Variants in MAP3K20 observed in about 807,000 individuals in gnomAD.
MAP3K20 encodes the protein mitogen-activated protein kinase kinase kinase 20.
MAP3K20 carries 40 observed loss-of-function variants against 85.7 expected under a neutral mutation model. That is an observed-to-expected ratio of 0.47 (90% CI 0.36 to 0.61). The LOEUF is 0.61. MAP3K20 is among the 20% of genes least tolerant of loss of function. The probability of loss-of-function intolerance (pLI) is 0.00; values close to 1 mark genes in which losing one functional copy is unlikely to be tolerated. For missense variants in MAP3K20, 817 were observed against 961.7 expected, an observed-to-expected ratio of 0.85 and a Z score of 1.99; for synonymous variants, 325 against 327.7, an observed-to-expected ratio of 0.99 and a Z score of 0.09.
Position 173,166,547 on chromosome 2 carries a change from G to T in MAP3K20, c.160-3258G>T, listed in dbSNP as rs146682221. 1,233 of 152,120 alleles carry T rather than the reference G, an allele frequency of 8.1e-3. 15 individuals carry two copies. Among genetic ancestry groups the T allele is most frequent in the African/African-American group, 0.028 (1,151 of 41,504 alleles). The allele number at this position is 152,120 out of a possible 1,614,324, so 9.4% of individuals were successfully genotyped here. On this transcript the variant is annotated intron_variant, in intron 2 of 19. Coordinates refer to ENST00000375213, the MANE Select transcript of MAP3K20 (RefSeq NM_016653.3). ...TAAATATACATAAACATAAAACTAA[G>T]AATTAACTCCTTATAACTCTCATAT...
At chr2:173,178,765 T>A (rs1690241070) in intron 3 of MAP3K20, among the ~76,000 whole-genome samples, 1 of 152,234 alleles carries the variant, frequency 6.6e-6, no homozygotes, top group Admixed American at 6.5e-5. Flanking sequence ...ATTCTTCCCA[T>A]ACTCTTTCAG....
At chr2:173,146,629 T>A (rs1689145043) in intron 2 of MAP3K20, among the ~76,000 whole-genome samples, 1 of 152,226 alleles carries the variant, frequency 6.6e-6, no homozygotes, top group South Asian at 2.1e-4. Flanking sequence ...CTGCCTATTC[T>A]GGACATTTCA....
At chr2:173,166,589 C>T (rs1199432037) in intron 2 of MAP3K20, 3 of 151,662 alleles carry the variant, frequency 2.0e-5, no homozygotes, top group African/African-American at 7.3e-5. Flanking sequence ...AAATTCAAAA[C>T]CAATTTTTCA....
chr2:173,083,033 A>C (rs1687053199), intron 1 of MAP3K20, among the ~76,000 whole-genome samples: 1 of 152,174 alleles, frequency 6.6e-6, no homozygotes, highest in African/African-American at 2.4e-5. Context: ...CTACTAAATT[A>C]CTTTAATATT....
chr2:173,213,049 AAAAT>A (rs980854716), intron 10 of MAP3K20, among the ~76,000 whole-genome samples: 70 of 152,230 alleles, frequency 4.6e-4, no homozygotes, highest in Admixed American at 3.4e-3. Flanking sequence ...TATTTTTTAT[AAAAT>A]AAATATATAT....
At chr2:173,116,224 A>C (rs1486184253) in intron 2 of MAP3K20, among the ~76,000 whole-genome samples, 2 of 152,196 alleles carry the variant, frequency 1.3e-5, no homozygotes, top group Non-Finnish European at 2.9e-5. Flanking sequence ...GGAATGGCTG[A>C]ATCAAGCTAT....
intron 7 of MAP3K20, among the ~76,000 whole-genome samples, chr2:173,197,491 A>G (rs1690887316): frequency 6.6e-6 from 1 of 152,220 alleles, no homozygotes; most frequent in Admixed American, 6.5e-5. Flanking sequence ...TCCAAAATCT[A>G]AAATGTAACT....
intron 16 of MAP3K20, among the ~76,000 whole-genome samples, chr2:173,251,478 G>T (rs1458004567): frequency 1.3e-5 from 2 of 152,090 alleles, no homozygotes; most frequent in Non-Finnish European, 2.9e-5. Flanking sequence ...GTAAAATGGG[G>T]GCAGTGCTCT....
At position 173,198,085 on chromosome 2, in the gene MAP3K20, A is replaced by G; in HGVS notation, c.642A>G (p.Val214=). 1 of 1,613,268 alleles carries G rather than the reference A, an allele frequency of 6.2e-7. No homozygotes were observed. Among genetic ancestry groups the G allele is most frequent in the Non-Finnish European group, 8.5e-7 (1 of 1,179,414 alleles). Residue 214 remains valine, a synonymous_variant, in exon 8 of 20, where the codon GTA becomes GTG. Coordinates refer to ENST00000375213, the MANE Select transcript of MAP3K20 (RefSeq NM_016653.3). The surrounding 1 kb of genome is among the most constrained non-coding windows in gnomAD (Gnocchi z 5.8). ...VPFKGLEGLQ[V]AWLVVEKNER... ...TTAAAGGTTTGGAAGGATTACAAGT[A>G]GCTTGGCTTGTAGTGGAAAAAAACG...
intron 11 of MAP3K20, chr2:173,221,172 G>T: frequency 5.2e-6 from 8 of 1,528,960 alleles, no homozygotes; most frequent in Non-Finnish European, 7.1e-6. Flanking sequence ...CTTGCTGCAA[G>T]AATGTCTGAG....
chr2:173,240,450 G>A (rs1442250434), intron 16 of MAP3K20, among the ~76,000 whole-genome samples: 1 of 152,204 alleles, frequency 6.6e-6, no homozygotes, highest in East Asian at 1.9e-4. Context: ...GGAAATTGTT[G>A]TGAGGGGTTG....
chr2:173,202,114 A>G (rs1262191326), intron 8 of MAP3K20, among the ~76,000 whole-genome samples: 1 of 152,104 alleles, frequency 6.6e-6, no homozygotes, highest in Non-Finnish European at 1.5e-5. Flanking sequence ...CCAGCCCCCA[A>G]CCATTTTATA....
intron 2 of MAP3K20, among the ~76,000 whole-genome samples, chr2:173,126,554 A>AT (rs1276676635): frequency 2.0e-5 from 3 of 151,994 alleles, no homozygotes; most frequent in African/African-American, 7.2e-5. Flanking sequence ...TAATTTTCAT[A>AT]TTTTTAGTAG....
intron 2 of MAP3K20, among the ~76,000 whole-genome samples, chr2:173,130,066 G>A (rs757607343): frequency 4.6e-5 from 7 of 152,190 alleles, no homozygotes; most frequent in Admixed American, 6.5e-5. Context: ...GCGTCAAAAT[G>A]TGCTTACTTT....
chr2:173,252,336 T>C (rs1354264422), intron 16 of MAP3K20, among the ~76,000 whole-genome samples: 1 of 152,234 alleles, frequency 6.6e-6, no homozygotes, highest in Admixed American at 6.5e-5. Flanking sequence ...CTGTTTTAGT[T>C]GGCCAGTAGT....
chr2:173,250,777 T>C (rs1158443016), intron 16 of MAP3K20, among the ~76,000 whole-genome samples: 1 of 152,158 alleles, frequency 6.6e-6, no homozygotes, highest in Non-Finnish European at 1.5e-5. Context: ...AGGTTATTAA[T>C]GGAATTTTTA....
At chr2:173,104,923 A>G (rs1371723303) in intron 2 of MAP3K20, among the ~76,000 whole-genome samples, 1 of 152,106 alleles carries the variant, frequency 6.6e-6, no homozygotes, top group Non-Finnish European at 1.5e-5. Context: ...AGGTGGGAGC[A>G]TGCCTGTTGT....
At chr2:173,100,658 AG>A (rs373198336) in intron 2 of MAP3K20, among the ~76,000 whole-genome samples, 200 of 152,278 alleles carry the variant, frequency 1.3e-3, no homozygotes, top group African/African-American at 4.5e-3. Flanking sequence ...ACAAACTCTT[AG>A]GTATTGCCCT....
chr2:173,233,618 G>A (rs534436069), intron 14 of MAP3K20, among the ~76,000 whole-genome samples: 149 of 152,246 alleles, frequency 9.8e-4, no homozygotes, highest in Admixed American at 3.3e-3. Flanking sequence ...AGGTTAGAAA[G>A]AAGAGAAACA....
Sources: allele counts gnomAD v4.1 joint callset (sites outside exome capture counted in the v4.1 genomes callset), GRCh38; gene constraint gnomAD v4.1.1; non-coding constraint Gnocchi (gnomAD v3.1); transcripts MANE v1.5; gene names NCBI Gene and HGNC (gene_info 2026-07-23, HGNC 2026-07-21).